Variants in ZNF385D observed in about 807,000 individuals in gnomAD.
ZNF385D encodes the protein zinc finger protein 659.
ZNF385D carries 15 observed loss-of-function variants against 35.8 expected under a neutral mutation model. That is an observed-to-expected ratio of 0.42 (90% confidence interval 0.28 to 0.64). The LOEUF (loss-of-function observed/expected upper bound fraction) is 0.64, where lower values mean the gene tolerates loss of function less well. Among genes scored for constraint, ZNF385D ranks in the 30% least tolerant of loss-of-function variants. The pLI, the probability that ZNF385D is intolerant of heterozygous loss-of-function variation, is 0.23. For synonymous variants in ZNF385D, 212 were observed against 186.8 expected (o/e 1.13, Z -1.10); for missense variants, 474 against 494.6 (o/e 0.96, Z 0.39).
At chr3:22,155,217 T>C (rs890843386) in intron 3 of ZNF385D, among the ~76,000 whole-genome samples, 21 of 152,088 alleles carry the variant, frequency 1.4e-4, no homozygotes, top group African/African-American at 5.1e-4. Context: ...AAAAGATCTA[T>C]GTGAGAGAAG....
chr3:21,865,206 A>G lies in ZNF385D; in HGVS notation c.326-200178T>C, dbSNP rs566623575. 9.2e-5 allele frequency among the ~76,000 whole-genome samples: 14 copies of G among 151,810 alleles called. No individual in the cohort carries two copies. In the South Asian group the frequency reaches 1.2e-3, roughly 14 times the overall value. On this transcript the variant is annotated intron_variant, in intron 3 of 5. Coordinates refer to the ZNF385D transcript ENST00000494108. ...GTAATTAGAGTATTTGCTATGCATT[A>G]TGGGCTTCCGGATCCCTTAAGAAAT... is the stretch of plus-strand genomic sequence containing the variant.
intron 3 of ZNF385D, among the ~76,000 whole-genome samples, chr3:21,783,688 A>G (rs1206129500): frequency 1.3e-5 from 2 of 152,142 alleles, no homozygotes; most frequent in Non-Finnish European, 2.9e-5. Flanking sequence ...ACTTCTCTGC[A>G]TGCACGAAGA....
chr3:21,574,058 C>A (rs1251349123), intron 2 of ZNF385D, among the ~76,000 whole-genome samples: 7 of 34,610 alleles, frequency 2.0e-4, no homozygotes, highest in Non-Finnish European at 3.1e-4. Context: ...GAAACTCCGT[C>A]TCAAAAAAAA....
At chr3:22,253,046 T>C (rs955483708) in intron 2 of ZNF385D, among the ~76,000 whole-genome samples, 14 of 152,066 alleles carry the variant, frequency 9.2e-5, no homozygotes, top group Admixed American at 2.6e-4. Flanking sequence ...CAAAGAGATT[T>C]GGTAATTGAT....
At position 21,747,191 on chromosome 3, in the gene ZNF385D, G is replaced by A. The variant is rs142523036; in HGVS notation, c.22+3704C>T. On this transcript the variant is annotated intron_variant, in intron 1 of 7. Coordinates refer to ENST00000281523, the MANE Select transcript of ZNF385D (RefSeq NM_024697.3). ...GTTGATCCACAACTAACACCAAGGC[G>A]AACTTGAATGATTCATTCACACTTT... Among the ~76,000 whole-genome samples, 65 of 152,246 alleles carry A rather than the reference G, an allele frequency of 4.3e-4. No individual in the cohort carries two copies. The East Asian group carries it at 0.011, about 27-fold the overall frequency.
At chr3:21,674,708 C>T (rs1450629455) in intron 1 of ZNF385D, among the ~76,000 whole-genome samples, 2 of 152,074 alleles carry the variant, frequency 1.3e-5, no homozygotes, top group Non-Finnish European at 2.9e-5. Flanking sequence ...AAGATCACTC[C>T]CTGGTGCCCT....
At chr3:21,872,263 A>G (rs545500449) in intron 3 of ZNF385D, among the ~76,000 whole-genome samples, 17 of 152,260 alleles carry the variant, frequency 1.1e-4, no homozygotes, top group African/African-American at 3.8e-4. Flanking sequence ...CAGACTTAGT[A>G]AGGTTTGTTT....
intron 2 of ZNF385D, among the ~76,000 whole-genome samples, chr3:22,226,048 C>T (rs533522461): frequency 6.6e-6 from 1 of 152,094 alleles, no homozygotes; most frequent in South Asian, 2.1e-4. Context: ...AGTACTGTAC[C>T]TTCACTGTAG....
At chr3:22,356,504 A>C (rs948472953) in intron 2 of ZNF385D, among the ~76,000 whole-genome samples, 1 of 151,906 alleles carries the variant, frequency 6.6e-6, no homozygotes, top group Non-Finnish European at 1.5e-5. Flanking sequence ...TTGGCTATAG[A>C]AACTTCCGTC....
chr3:21,596,302 G>A (rs1011196721), intron 2 of ZNF385D, among the ~76,000 whole-genome samples: 23 of 152,174 alleles, frequency 1.5e-4, no homozygotes, highest in African/African-American at 4.6e-4. Flanking sequence ...ACAAAGCCAA[G>A]ATTAGAAAGT....
intron 3 of ZNF385D, among the ~76,000 whole-genome samples, chr3:22,042,859 C>G (rs1223577613): frequency 6.6e-6 from 1 of 152,172 alleles, no homozygotes; most frequent in Non-Finnish European, 1.5e-5. Context: ...AGATCACAGA[C>G]ATATGTCAAA....
chr3:21,759,583 A>G (rs2070508286), intron 3 of ZNF385D, among the ~76,000 whole-genome samples: 1 of 152,144 alleles, frequency 6.6e-6, no homozygotes, highest in Non-Finnish European at 1.5e-5. Flanking sequence ...ACACAATAAC[A>G]TGAGTTAATA....
intron 3 of ZNF385D, among the ~76,000 whole-genome samples, chr3:22,141,542 A>ATTTCC (rs1704503430): frequency 6.6e-6 from 1 of 152,164 alleles, no homozygotes; most frequent in African/African-American, 2.4e-5. Flanking sequence ...GCACCAATGG[A>ATTTCC]GGAAAAGACC....
Position 22,362,285 on chromosome 3 carries a change from ATTT to A in ZNF385D, c.106+10162_106+10164del, listed in dbSNP as rs377512433. On this transcript the variant is annotated intron_variant, in intron 2 of 5. Coordinates refer to the ZNF385D transcript ENST00000494108. ...CATCTCTTCAGATTAACTTGCATTG[ATTT>A]TTTTTTATTTATGAAGAATCAACGT... 3.7e-3 allele frequency among the ~76,000 whole-genome samples: 559 copies of A among 151,364 alleles called. 1 individual carries two copies. Among genetic ancestry groups the A allele is most frequent in the Non-Finnish European group, 5.9e-3 (397 of 67,740 alleles).
At chr3:21,453,120 A>C (rs1410324917) in intron 4 of ZNF385D, among the ~76,000 whole-genome samples, 1 of 151,864 alleles carries the variant, frequency 6.6e-6, no homozygotes, top group Non-Finnish European at 1.5e-5. Context: ...CAATGGAAAA[A>C]GAATAGTCTC....
chr3:21,673,433 G>A (rs1157622175), intron 1 of ZNF385D, among the ~76,000 whole-genome samples: 1 of 152,090 alleles, frequency 6.6e-6, no homozygotes, highest in African/African-American at 2.4e-5. Context: ...ATAATTTACA[G>A]ATAAGATGCT....
At chr3:21,833,318 G>A (rs1695119238) in intron 3 of ZNF385D, among the ~76,000 whole-genome samples, 1 of 152,094 alleles carries the variant, frequency 6.6e-6, no homozygotes, top group Non-Finnish European at 1.5e-5. Context: ...ATATTACCTT[G>A]TATGGCAAAA....
chr3:21,473,323 A>C (rs1290857649), intron 4 of ZNF385D, among the ~76,000 whole-genome samples: 1 of 152,058 alleles, frequency 6.6e-6, no homozygotes, highest in Non-Finnish European at 1.5e-5. Context: ...TTCCCAAATT[A>C]ACTCCCACAT....
chr3:22,297,055 T>C (rs1245919944), intron 2 of ZNF385D, among the ~76,000 whole-genome samples: 1 of 152,184 alleles, frequency 6.6e-6, no homozygotes, highest in Non-Finnish European at 1.5e-5. Context: ...ATGTGATAGA[T>C]TGTATTTCTG....
Sources: gnomAD v4.1 joint callset for allele counts (sites outside exome capture counted in the v4.1 genomes callset) on GRCh38, gnomAD v4.1.1 for gene constraint, MANE v1.5 for transcripts, NCBI Gene and HGNC (gene_info 2026-07-23, HGNC 2026-07-21) for gene names.